The following ITGB5 variants were observed in gnomAD, a reference collection of about 807,000 sequenced individuals.
The protein encoded by ITGB5 is integrin subunit beta 5.
ITGB5 carries 38 observed loss-of-function variants against 84.8 expected under a neutral mutation model. The ratio of observed to expected loss-of-function variants is 0.45; its 90% confidence interval spans 0.35 to 0.59. The LOEUF (loss-of-function observed/expected upper bound fraction) is 0.59, where lower values mean the gene tolerates loss of function less well. ITGB5 is among the 20% of genes least tolerant of loss of function. The pLI is 0.01. For missense variants in ITGB5, 905 were observed against 1,034.5 expected, an observed-to-expected ratio of 0.87 and a Z score of 1.72; for synonymous variants, 393 against 414.4, an observed-to-expected ratio of 0.95 and a Z score of 0.63.
intron 10 of ITGB5, 46 bp from the exon 11 acceptor site, chr3:124,773,958 A>G: frequency 2.0e-6 from 3 of 1,521,998 alleles, no homozygotes; most frequent in Non-Finnish European, 2.7e-6. Flanking sequence ...ACCTTTACAC[A>G]TGAGCACATA....
At chr3:124,854,598 G>C (rs962301535) in intron 3 of ITGB5, among the ~76,000 whole-genome samples, 7 of 152,196 alleles carry the variant, frequency 4.6e-5, no homozygotes, top group African/African-American at 1.4e-4. Context: ...GCGGCTGAAA[G>C]GGGAGGGTGG....
intron 4 of ITGB5, among the ~76,000 whole-genome samples, chr3:124,845,459 C>T (rs1240210813): frequency 1.3e-5 from 2 of 152,256 alleles, no homozygotes; most frequent in Non-Finnish European, 2.9e-5. Context: ...CTCCCCAGCT[C>T]AGAGAAGAGA....
intron 10 of ITGB5, among the ~76,000 whole-genome samples, chr3:124,789,389 G>A (rs1235067418): frequency 2.7e-5 from 4 of 149,542 alleles, no homozygotes; most frequent in African/African-American, 7.7e-5. Flanking sequence ...TAACAGAACC[G>A]CCTCTGACTA....
intron 3 of ITGB5, among the ~76,000 whole-genome samples, 186 bp from the exon 4 acceptor site, chr3:124,848,744 C>T (rs1458902349): frequency 6.6e-6 from 1 of 151,980 alleles, no homozygotes; most frequent in Non-Finnish European, 1.5e-5. Flanking sequence ...GGCCTGGGTT[C>T]TCCTTCCTAA....
Position 124,763,492 on chromosome 3 carries a change from C to A in ITGB5, c.*131G>T. Reference sequence around the variant, plus strand: ...CTGTACAGGCACTGTGGGCTCCTGGCCCAGGCTCACTAGAAGGTCTTCTCT... The same window carrying A: ...CTGTACAGGCACTGTGGGCTCCTGGACCAGGCTCACTAGAAGGTCTTCTCT... On this transcript the variant is annotated 3_prime_UTR_variant, in exon 15 of 15. Coordinates refer to ENST00000296181, the MANE Select transcript of ITGB5 (RefSeq NM_002213.5). 1 of 601,756 alleles carries A rather than the reference C, an allele frequency of 1.7e-6. No individual in the cohort carries two copies. 37.3% of individuals were successfully genotyped at this position (601,756 alleles called of 1,614,324 possible). A position where few individuals can be genotyped will look rare whatever the true frequency, so the allele number is the denominator to read the frequency against.
intron 8 of ITGB5, chr3:124,809,432 G>C: frequency 5.3e-6 from 2 of 374,448 alleles, no homozygotes; most frequent in Non-Finnish European, 9.9e-6. Context: ...TGCTTCAAAC[G>C]GGTTATGCCC....
chr3:124,857,272 C>G (rs933222694), intron 3 of ITGB5: 1 of 152,258 alleles, frequency 6.6e-6, no homozygotes, highest in African/African-American at 2.4e-5. Context: ...AGGCACTGAG[C>G]ATCCCTGGTC....
chr3:124,807,577 A>G (rs561157899), intron 9 of ITGB5, among the ~76,000 whole-genome samples: 1 of 152,266 alleles, frequency 6.6e-6, no homozygotes, highest in East Asian at 1.9e-4. Context: ...CATTTTCTCA[A>G]CTTCCATATG....
chr3:124,888,431 G>C (rs1277120902), upstream of ITGB5, among the ~76,000 whole-genome samples: 1 of 152,174 alleles, frequency 6.6e-6, no homozygotes, highest in Non-Finnish European at 1.5e-5. Flanking sequence ...AGATGGTGCA[G>C]GAAAGGATGC....
At chr3:124,867,862 G>A (rs1240864680) in intron 2 of ITGB5, among the ~76,000 whole-genome samples, 1 of 152,214 alleles carries the variant, frequency 6.6e-6, no homozygotes, top group Non-Finnish European at 1.5e-5. Context: ...GGGATTTGTT[G>A]TGTGTTGATA....
intron 8 of ITGB5, among the ~76,000 whole-genome samples, chr3:124,813,611 T>C (rs746815025): frequency 1.1e-4 from 16 of 152,068 alleles, no homozygotes; most frequent in Non-Finnish European, 2.1e-4. Flanking sequence ...TACCCACATA[T>C]GAATAAGAGA....
intron 9 of ITGB5, among the ~76,000 whole-genome samples, chr3:124,798,921 C>A (rs1396027429): frequency 2.6e-5 from 4 of 152,160 alleles, no homozygotes. Flanking sequence ...GAAAGTCCTG[C>A]GTGGCAGCAA....
chr3:124,774,013 T>C (rs146467272), intron 10 of ITGB5, 101 bp from the exon 11 acceptor site: 48 of 1,047,996 alleles, frequency 4.6e-5, no homozygotes, highest in Middle Eastern at 2.6e-4. Context: ...CAGCAGAGAA[T>C]GGAACACCAA....
intron 8 of ITGB5, among the ~76,000 whole-genome samples, chr3:124,809,678 C>T (rs1028264943): frequency 6.6e-6 from 1 of 152,120 alleles, no homozygotes; most frequent in Non-Finnish European, 1.5e-5. Context: ...CACATCCATA[C>T]CTATCCCCAT....
At chr3:124,856,496 C>T (rs887705661) in intron 3 of ITGB5, among the ~76,000 whole-genome samples, 3 of 152,136 alleles carry the variant, frequency 2.0e-5, no homozygotes, top group Non-Finnish European at 4.4e-5. Context: ...AAACTACAAA[C>T]TCTTTTGGAG....
At chr3:124,825,686 G>A (rs1306444654) in intron 5 of ITGB5, among the ~76,000 whole-genome samples, 1 of 152,220 alleles carries the variant, frequency 6.6e-6, no homozygotes, top group Non-Finnish European at 1.5e-5. Context: ...TTAGGGTCAT[G>A]GGAGGAGATG....
At chr3:124,876,028 T>C (rs1259693955) in intron 1 of ITGB5, among the ~76,000 whole-genome samples, 1 of 152,134 alleles carries the variant, frequency 6.6e-6, no homozygotes, top group Non-Finnish European at 1.5e-5. Context: ...GGTTAAAGGG[T>C]ACAAAGTTCC....
chr3:124,882,493 G>C (rs1934618454), intron 1 of ITGB5, among the ~76,000 whole-genome samples: 1 of 152,204 alleles, frequency 6.6e-6, no homozygotes, highest in Non-Finnish European at 1.5e-5. Context: ...TCCAGGCAGG[G>C]AGAAGGGCTG....
At chr3:124,834,504 G>GGA in intron 5 of ITGB5, among the ~76,000 whole-genome samples, 1 of 115,896 alleles carries the variant, frequency 8.6e-6, no homozygotes, top group African/African-American at 3.3e-5. Flanking sequence ...GAGGGAGGGA[G>GGA]AGGAGGGAAG....
Sources: allele counts gnomAD v4.1 joint callset (sites outside exome capture counted in the v4.1 genomes callset), GRCh38; gene constraint gnomAD v4.1.1; transcripts MANE v1.5; gene names NCBI Gene and HGNC (gene_info 2026-07-23, HGNC 2026-07-21).